The following PLEKHA6 variants were observed in gnomAD, a reference collection of about 807,000 sequenced individuals.
PLEKHA6 encodes the protein pleckstrin homology domain containing A6.
PLEKHA6 carries 60 observed loss-of-function variants against 116.7 expected under a neutral mutation model. The ratio of observed to expected loss-of-function variants is 0.51; its 90% CI spans 0.42 to 0.64. The LOEUF (loss-of-function observed/expected upper bound fraction) is 0.64. PLEKHA6 is among the 30% of genes least tolerant of loss of function. The pLI is 0.00. For synonymous variants in PLEKHA6, 489 were observed against 556.1 expected (o/e 0.88, Z 1.70); for missense variants, 1,338 against 1,422.7 (o/e 0.94, Z 0.96).
chr1:204,354,886 A>G (rs1254981280), intron 1 of PLEKHA6, among the ~76,000 whole-genome samples: 1 of 152,272 alleles, frequency 6.6e-6, no homozygotes, highest in African/African-American at 2.4e-5. Context: ...GGGCGCGGAC[A>G]GGGGCTGCAG....
chr1:204,283,102 T>C (rs1301218131), intron 1 of PLEKHA6, among the ~76,000 whole-genome samples: 1 of 152,188 alleles, frequency 6.6e-6, no homozygotes, highest in Admixed American at 6.5e-5. Flanking sequence ...CCGCCGGGTC[T>C]ATGGAAGGTC....
chr1:204,247,509 T>C (rs746476904), intron 12 of PLEKHA6, 49 bp from the exon 13 acceptor site: 23 of 1,230,418 alleles, frequency 1.9e-5, no homozygotes, highest in Non-Finnish European at 2.7e-5. Context: ...CACCAAGGCA[T>C]TCCTCCTTAT....
At chr1:204,278,715 A>G (rs1238177055) in intron 1 of PLEKHA6, among the ~76,000 whole-genome samples, 1 of 152,208 alleles carries the variant, frequency 6.6e-6, no homozygotes, top group East Asian at 1.9e-4. Flanking sequence ...ACTTTTGCAA[A>G]TGATTTATCC....
chr1:204,362,961 A>C (rs556226772), upstream of PLEKHA6, among the ~76,000 whole-genome samples: 4 of 152,354 alleles, frequency 2.6e-5, no homozygotes. Flanking sequence ...GCTTCTTTGA[A>C]GCCCAGCACA....
At chr1:204,281,413 T>C (rs1668593690) in intron 1 of PLEKHA6, among the ~76,000 whole-genome samples, 1 of 151,972 alleles carries the variant, frequency 6.6e-6, no homozygotes, top group South Asian at 2.1e-4. Context: ...TAGTCCCAGC[T>C]ACTCAGGAGG....
intron 1 of PLEKHA6, among the ~76,000 whole-genome samples, chr1:204,358,308 C>T (rs1673470491): frequency 6.6e-6 from 1 of 152,228 alleles, no homozygotes; most frequent in South Asian, 2.1e-4. Context: ...CCACCCCAAC[C>T]TGGAGACAGG....
intron 9 of PLEKHA6, among the ~76,000 whole-genome samples, chr1:204,256,392 T>C (rs768939201): frequency 1.3e-5 from 2 of 152,024 alleles, no homozygotes; most frequent in Non-Finnish European, 2.9e-5. Flanking sequence ...CGCTTGTATC[T>C]CTCCCCAAAA....
At chr1:204,321,554 C>G (rs1045979166) in intron 1 of PLEKHA6, among the ~76,000 whole-genome samples, 1 of 151,494 alleles carries the variant, frequency 6.6e-6, no homozygotes, top group Non-Finnish European at 1.5e-5. Context: ...TCTGCTGGAA[C>G]CTCAACCCTT....
At chr1:204,323,187 G>A (rs1558181231) in intron 1 of PLEKHA6, among the ~76,000 whole-genome samples, 1 of 152,266 alleles carries the variant, frequency 6.6e-6, no homozygotes, top group African/African-American at 2.4e-5. Flanking sequence ...TTGCACTCAT[G>A]TTAATTATCT....
intron 3 of PLEKHA6, among the ~76,000 whole-genome samples, chr1:204,366,150 G>A (rs1044713302): frequency 6.6e-6 from 1 of 152,206 alleles, no homozygotes; most frequent in Admixed American, 6.5e-5. Context: ...TAATACATGT[G>A]AAAGTGTTTA....
rs1572228512 is a variant in PLEKHA6, at chr1:204,357,858, C to A, written c.-95+1836G>T. On this transcript the variant is annotated intron_variant, in intron 1 of 22. Coordinates refer to ENST00000272203, the MANE Select transcript of PLEKHA6 (RefSeq NM_014935.5). ...CCCGAGGCTGCAGGCTGGGTCTGGG[C>A]GAGGTGGGGGCTCTGATGTCAGCCC... is the stretch of plus-strand genomic sequence containing the variant. Among the ~76,000 whole-genome samples the A allele has an allele frequency of 1.3e-5, 2 of 152,352 alleles. 1 individual carries two copies. Among genetic ancestry groups the A allele is most frequent in the East Asian group, 3.9e-4 (2 of 5,188 alleles).
intron 1 of PLEKHA6, among the ~76,000 whole-genome samples, chr1:204,372,676 T>C (rs1673798229): frequency 6.6e-6 from 1 of 152,206 alleles, no homozygotes; most frequent in African/African-American, 2.4e-5. Context: ...TATACACCTG[T>C]GAAACTGCCA....
intron 9 of PLEKHA6, among the ~76,000 whole-genome samples, chr1:204,256,614 G>T (rs1296425166): frequency 6.6e-6 from 1 of 152,126 alleles, no homozygotes; most frequent in Non-Finnish European, 1.5e-5. Context: ...AGGGGTTATT[G>T]GCACCAAACT....
intron 1 of PLEKHA6, among the ~76,000 whole-genome samples, chr1:204,351,798 T>C (rs1187568863): frequency 1.3e-5 from 2 of 152,124 alleles, no homozygotes; most frequent in African/African-American, 4.8e-5. Flanking sequence ...GCTCCTGCCC[T>C]CCCCAAGCTC....
intron 1 of PLEKHA6, among the ~76,000 whole-genome samples, chr1:204,298,307 A>C (rs1354334193): frequency 5.3e-5 from 8 of 152,260 alleles, no homozygotes. Flanking sequence ...ATCATGAAAG[A>C]CTGAATTTAG....
intron 1 of PLEKHA6, among the ~76,000 whole-genome samples, chr1:204,323,384 C>G (rs1002932394): frequency 6.6e-6 from 1 of 152,218 alleles, no homozygotes; most frequent in Non-Finnish European, 1.5e-5. Flanking sequence ...GATGAAGCAA[C>G]CTGTCCAATA....
intron 15 of PLEKHA6, among the ~76,000 whole-genome samples, chr1:204,244,205 C>A (rs1395766946): frequency 1.3e-5 from 2 of 151,966 alleles, no homozygotes; most frequent in Non-Finnish European, 2.9e-5. Context: ...GATCTTGGTT[C>A]ACTGAAACCT....
At chr1:204,377,134 G>A (rs1673884280) in intron 1 of PLEKHA6, among the ~76,000 whole-genome samples, 1 of 152,174 alleles carries the variant, frequency 6.6e-6, no homozygotes, top group Non-Finnish European at 1.5e-5. Context: ...TGGGGCGAGG[G>A]TTGCCAGGAA....
At chr1:204,344,709 C>A in intron 1 of PLEKHA6, among the ~76,000 whole-genome samples, 1 of 152,100 alleles carries the variant, frequency 6.6e-6, no homozygotes, top group African/African-American at 2.4e-5. Flanking sequence ...CAGACCAGTA[C>A]CTCATCCATA....
Sources: gnomAD v4.1 joint callset for allele counts (sites outside exome capture counted in the v4.1 genomes callset) on GRCh38, gnomAD v4.1.1 for gene constraint, MANE v1.5 for transcripts, NCBI Gene and HGNC (gene_info 2026-07-23, HGNC 2026-07-21) for gene names.